PCDHGA9: variants seen among roughly 807,000 people sequenced by gnomAD.
The protein encoded by PCDHGA9 is protocadherin gamma-A9.
Under a neutral mutation model 62.5 loss-of-function variants are expected in PCDHGA9, and 37 were observed. The observed-to-expected ratio is 0.59, with a 90% CI of 0.46 to 0.78. The LOEUF (loss-of-function observed/expected upper bound fraction) is 0.78. Ranked by LOEUF, PCDHGA9 falls within the 30% of genes least tolerant of loss-of-function variation. PCDHGA9 has a pLI of 0.00. For synonymous variants in PCDHGA9, 459 were observed against 484.6 expected (o/e 0.95, Z 0.69); for missense variants, 1,138 against 1,166.2 (o/e 0.98, Z 0.35).
Position 141,432,465 on chromosome 5 carries a change from C to T in PCDHGA9, c.2424+27089C>T. 3 of 1,614,222 alleles carry T rather than the reference C, an allele frequency of 1.9e-6. No individual in the cohort carries two copies. The highest frequency in any genetic ancestry group is 2.5e-6 in the Non-Finnish European group (3 of 1,180,050). On this transcript the variant is annotated intron_variant, in intron 1 of 3. Transcript: ENST00000573521. This position sits in a 1 kb window ranked among gnomAD's most constrained non-coding sequence, Gnocchi z 6.0. The stretch of plus-strand genomic sequence containing the variant: ...GAGATCCTGTACCCCGCCCTCCCCA[C>T]GGACGGTTCCACTGGCGTGGAGCTG...
At chr5:141,406,827 A>G (rs2094856328) in intron 1 of PCDHGA9, among the ~76,000 whole-genome samples, 1 of 152,242 alleles carries the variant, frequency 6.6e-6, no homozygotes, top group South Asian at 2.1e-4. Context: ...CTAGAAATGA[A>G]CTTGCATATC....
intron 3 of PCDHGA9, chr5:141,508,275 T>G (rs1030431371): frequency 6.6e-6 from 1 of 152,138 alleles, no homozygotes. Context: ...ATCCCGGTCC[T>G]TGACCAAGGT....
chr5:141,415,740 G>GTTTTTTTTT (rs57426385), intron 1 of PCDHGA9: 68 of 625,028 alleles, frequency 1.1e-4, no homozygotes, highest in African/African-American at 1.3e-4. Context: ...GTTTATTAAG[G>GTTTTTTTTT]TTTTTTTTTT....
intron 1 of PCDHGA9, among the ~76,000 whole-genome samples, chr5:141,460,983 G>GTGTGTGTA (rs1554142949): frequency 2.2e-5 from 3 of 137,844 alleles, no homozygotes; most frequent in African/African-American, 7.7e-5. Flanking sequence ...GTGTGTGTGT[G>GTGTGTGTA]TATATATATA....
chr5:141,460,026 C>T (rs565259315), intron 1 of PCDHGA9, among the ~76,000 whole-genome samples: 36 of 152,090 alleles, frequency 2.4e-4, no homozygotes, highest in Non-Finnish European at 3.2e-4. Flanking sequence ...TGCAGTGAGC[C>T]GAGACTGCAC....
chr5:141,502,179 A>C (rs1403845758), intron 2 of PCDHGA9, among the ~76,000 whole-genome samples: 3 of 152,218 alleles, frequency 2.0e-5, no homozygotes, highest in African/African-American at 7.2e-5. Context: ...GGAATTTAAC[A>C]TTAATACAAT....
intron 1 of PCDHGA9, chr5:141,421,725 C>T: frequency 6.2e-7 from 1 of 1,613,960 alleles, no homozygotes; most frequent in Non-Finnish European, 8.5e-7. Context: ...TGGGCGTGAA[C>T]TCCCTCCAGA....
chr5:141,478,322 C>A, intron 1 of PCDHGA9: 3 of 1,613,976 alleles, frequency 1.9e-6, no homozygotes, highest in Non-Finnish European at 2.5e-6. Context: ...CTCACTGTAC[C>A]GAACACCAGG....
rs1591094034 is a variant in PCDHGA9 at position 141,431,659 on chromosome 5, A to T, written c.2424+26283A>T. 3.7e-6 allele frequency: 6 copies of T among 1,614,246 alleles called. No individual in the cohort carries two copies. The highest frequency in any genetic ancestry group is 3.4e-6 in the Non-Finnish European group (4 of 1,180,036). On this transcript the variant is annotated intron_variant, in intron 1 of 3. Coordinates refer to ENST00000573521, the MANE Select transcript of PCDHGA9 (RefSeq NM_018921.3). This position sits in a 1 kb window ranked among gnomAD's most constrained non-coding sequence, Gnocchi z 4.8. ...TCAAACTAGATTGTAATTCAGGGAC[A>T]ATATCAACAATAGGGGAGTTGGACC...
At chr5:141,463,692 C>A (rs1482988660) in intron 1 of PCDHGA9, among the ~76,000 whole-genome samples, 2 of 151,934 alleles carry the variant, frequency 1.3e-5, no homozygotes, top group Non-Finnish European at 2.9e-5. Flanking sequence ...GTGATCTGCT[C>A]ACCTCGGCCT....
intron 1 of PCDHGA9, chr5:141,433,186 G>A (rs753657435): frequency 1.4e-5 from 23 of 1,601,378 alleles, no homozygotes; most frequent in Non-Finnish European, 1.9e-5. Context: ...TAATTGAGGT[G>A]AGTTTATATC....
Position 141,477,653 on chromosome 5 carries a change from A to C in PCDHGA9, c.2425-17154A>C. ...GCTAGTGGGTCGCTATTTCACAATA[A>C]ATCGTGACAATGGCATAGTGTCATC... On this transcript the variant is annotated intron_variant, in intron 1 of 3. Transcript: ENST00000573521. The surrounding 1 kb of genome is among the most constrained non-coding windows in gnomAD (Gnocchi z 4.9). The C allele has an allele frequency of 1.2e-6, 2 of 1,614,204 alleles. No individual in the cohort carries two copies. Among genetic ancestry groups the C allele is most frequent in the Non-Finnish European group, 1.7e-6 (2 of 1,180,036 alleles).
Position 141,403,280 on chromosome 5 carries a change from G to GT in PCDHGA9, c.330dup (p.Glu111Ter). 1 of 1,613,894 alleles carries GT rather than the reference G, an allele frequency of 6.2e-7. No homozygotes were observed. The highest frequency in any genetic ancestry group is 8.5e-7 in the Non-Finnish European group (1 of 1,179,900). On this transcript the variant is annotated frameshift_variant, in exon 1 of 4. Coordinates refer to ENST00000573521, the MANE Select transcript of PCDHGA9 (RefSeq NM_018921.3). LOFTEE classifies it high-confidence loss of function. Reference sequence around the variant, plus strand: ...GTGTCTGGTGAACTTTAAAGTCCTGGTTGAAGACAGAGTGAAACTGTACGG... The same window carrying GT: ...GTGTCTGGTGAACTTTAAAGTCCTGGTTTGAAGACAGAGTGAAACTGTACGG...
At position 141,477,290 on chromosome 5, in the gene PCDHGA9, C is replaced by T; in HGVS notation, c.2425-17517C>T. 5 of 1,614,158 alleles carry T rather than the reference C, an allele frequency of 3.1e-6. No individual in the cohort carries two copies. In the South Asian group the frequency reaches 5.5e-5, roughly 18 times the overall value. On this transcript the variant is annotated intron_variant, in intron 1 of 3. Coordinates refer to ENST00000573521, the MANE Select transcript of PCDHGA9 (RefSeq NM_018921.3). The surrounding 1 kb of genome is among the most constrained non-coding windows in gnomAD (Gnocchi z 4.9). ...GAACGGGCTGGTGACCTGCGAAGTT[C>T]CACCGGGTCTCCCTTTCAGCCTTAC...
At chr5:141,415,503 G>A (rs1354902623) in intron 1 of PCDHGA9, 1 of 1,614,212 alleles carries the variant, frequency 6.2e-7, no homozygotes. Flanking sequence ...TCTTCCCCCA[G>A]CCCAATTATG....
In PCDHGA9 at chr5:141,486,709, C is replaced by G. The variant is rs1485764871; in HGVS notation, c.2425-8098C>G. ...CTTCCTCTTTCATCTCTCTGAACCC[C>G]CAGACAGGAGCTGTTCATGCTACTC... On this transcript the variant is annotated intron_variant, in intron 1 of 3. Coordinates refer to ENST00000573521, the MANE Select transcript of PCDHGA9 (RefSeq NM_018921.3). The surrounding 1 kb of genome is among the most constrained non-coding windows in gnomAD (Gnocchi z 5.0). 1 of 1,614,182 alleles carries G rather than the reference C, an allele frequency of 6.2e-7. No individual in the cohort carries two copies. Among genetic ancestry groups the G allele is most frequent in the Middle Eastern group, 1.6e-4 (1 of 6,062 alleles).
At chr5:141,415,709 C>A in intron 1 of PCDHGA9, 1 of 1,092,276 alleles carries the variant, frequency 9.2e-7, no homozygotes, top group Non-Finnish European at 1.3e-6. Context: ...AATGCTAAAA[C>A]ACTGATGAGT....
Position 141,511,410 on chromosome 5 carries a change from T to TA in PCDHGA9, c.*238dup. On this transcript the variant is annotated 3_prime_UTR_variant, in exon 4 of 4. Coordinates refer to ENST00000573521, the MANE Select transcript of PCDHGA9 (RefSeq NM_018921.3). ...GGAACCCCCATCCAATCAACTGCTG[T>TA]ACCCATGGGGGTAGTGGGGTTACTG... The TA allele has an allele frequency of 1.1e-6, 1 of 908,822 alleles. No homozygotes were observed. The highest frequency in any genetic ancestry group is 1.6e-6 in the Non-Finnish European group (1 of 624,204). 56.3% of individuals were successfully genotyped at this position (908,822 alleles called of 1,614,324 possible).
rs1364068033 is a variant in PCDHGA9 at position 141,490,353 on chromosome 5, G to A, written c.2425-4454G>A. 3.1e-6 allele frequency: 5 copies of A among 1,614,090 alleles called. No individual in the cohort carries two copies. The highest frequency in any genetic ancestry group is 4.2e-6 in the Non-Finnish European group (5 of 1,180,046). On this transcript the variant is annotated intron_variant, in intron 1 of 3. Transcript: ENST00000573521. This position sits in a 1 kb window ranked among gnomAD's most constrained non-coding sequence, Gnocchi z 5.4. ...CACCAGTGGGCACAGTAGTGGGGTT[G>A]TTTAATGTGCGAGACCGGGACTCAG...
Sources: allele counts gnomAD v4.1 joint callset (sites outside exome capture counted in the v4.1 genomes callset), GRCh38; gene constraint gnomAD v4.1.1; non-coding constraint Gnocchi (gnomAD v3.1); transcripts MANE v1.5; gene names NCBI Gene and HGNC (gene_info 2026-07-23, HGNC 2026-07-21).